AKAP6: variants seen among roughly 807,000 people sequenced by gnomAD.
AKAP6 encodes the protein A-kinase anchoring protein 6.
AKAP6 carries 58 observed loss-of-function variants against 188.5 expected under a neutral mutation model. The ratio of observed to expected loss-of-function variants is 0.31; its 90% CI spans 0.25 to 0.38. The LOEUF (loss-of-function observed/expected upper bound fraction) is 0.38. Among genes scored for constraint, AKAP6 ranks in the 10% least tolerant of loss-of-function variants. The probability of loss-of-function intolerance (pLI) is 1.00; values close to 1 mark genes in which losing one functional copy is unlikely to be tolerated. For missense variants in AKAP6, 2,710 were observed against 2,740.0 expected, an observed-to-expected ratio of 0.99 and a Z score of 0.24; for synonymous variants, 989 against 998.6, an observed-to-expected ratio of 0.99 and a Z score of 0.18.
At position 32,441,132 on chromosome 14, in the gene AKAP6, A is replaced by G. The variant is rs369314644; in HGVS notation, c.324+7315A>G. ...TCCAAACCATGAGAAATAAATTTCT[A>G]GTGTTTATAAATTACCCAGTCTAAG... On this transcript the variant is annotated intron_variant, in intron 2 of 13. Coordinates refer to ENST00000280979, the MANE Select transcript of AKAP6 (RefSeq NM_004274.5). Among the ~76,000 whole-genome samples the G allele has an allele frequency of 6.6e-5, 10 of 152,178 alleles. No homozygotes were observed. The East Asian group carries it at 9.6e-4, about 15-fold the overall frequency.
At chr14:32,722,931 A>G (rs1404961147) in intron 9 of AKAP6, among the ~76,000 whole-genome samples, 4 of 152,166 alleles carry the variant, frequency 2.6e-5, no homozygotes, top group East Asian at 1.9e-4. Flanking sequence ...GGCAAATGCT[A>G]AAAGAACATT....
intron 1 of AKAP6, among the ~76,000 whole-genome samples, chr14:32,382,852 A>G (rs2138557358): frequency 6.6e-6 from 1 of 152,236 alleles, no homozygotes; most frequent in South Asian, 2.1e-4. Context: ...CTGGAATAGG[A>G]GAGATGTGGT....
intron 1 of AKAP6, among the ~76,000 whole-genome samples, chr14:32,399,719 T>C (rs1171059293): frequency 2.0e-5 from 3 of 152,216 alleles, no homozygotes; most frequent in African/African-American, 7.2e-5. Context: ...GATATTTCCC[T>C]TTTGCATCTC....
At chr14:32,808,836 A>T (rs2034153507) in intron 12 of AKAP6, among the ~76,000 whole-genome samples, 1 of 152,182 alleles carries the variant, frequency 6.6e-6, no homozygotes. Context: ...AGTAATATGT[A>T]AATTATCTCA....
chr14:32,522,711 G>C (rs898873678), intron 2 of AKAP6, among the ~76,000 whole-genome samples: 9 of 152,294 alleles, frequency 5.9e-5, no homozygotes, highest in Middle Eastern at 3.4e-3. Context: ...AGAGGATGTG[G>C]AGAAATAGGA....
Position 32,648,734 on chromosome 14 carries a change from G to A in AKAP6, c.2731-29577G>A, listed in dbSNP as rs1888085334. Reference sequence around the variant, plus strand: ...TGTTAGGATGAATGAATCACTAATAGATTAAAGAGCACAGCCAAATAAACT... The same window carrying A: ...TGTTAGGATGAATGAATCACTAATAAATTAAAGAGCACAGCCAAATAAACT... On this transcript the variant is annotated intron_variant, in intron 7 of 13. Coordinates refer to ENST00000280979, the MANE Select transcript of AKAP6 (RefSeq NM_004274.5). Among the ~76,000 whole-genome samples, 4 of 152,232 alleles carry A rather than the reference G, an allele frequency of 2.6e-5. No homozygotes were observed. In the South Asian group the frequency reaches 6.2e-4, roughly 24 times the overall value.
Position 32,735,832 on chromosome 14 carries a change from C to A in AKAP6, c.3322C>A (p.Gln1108Lys). The A allele has an allele frequency of 6.2e-7, 1 of 1,612,234 alleles. No individual in the cohort carries two copies. The highest frequency in any genetic ancestry group is 8.5e-7 in the Non-Finnish European group (1 of 1,179,368). ...ELFIFNSCLRQEKEGTMNTEK... is the reference protein window; with the variant it reads ...ELFIFNSCLRKEKEGTMNTEK... ...TTTCATCTTCAATTCCTGTCTGAGA[C>A]AAGAAAAGGAAGGAACAATGAATAC... Residue 1108 changes from glutamine (Q) to lysine (K), a missense_variant, in exon 11 of 14, where the codon CAA (glutamine) becomes AAA (lysine). Coordinates refer to ENST00000280979, the MANE Select transcript of AKAP6 (RefSeq NM_004274.5).
intron 5 of AKAP6, among the ~76,000 whole-genome samples, chr14:32,594,720 G>A (rs1230819349): frequency 2.0e-5 from 3 of 152,178 alleles, no homozygotes; most frequent in Non-Finnish European, 4.4e-5. Context: ...TCAAGGCTTG[G>A]CTTTTCTGAC....
At chr14:32,657,337 G>T (rs12437429) in intron 7 of AKAP6, among the ~76,000 whole-genome samples, 5 of 152,000 alleles carry the variant, frequency 3.3e-5, no homozygotes, top group Admixed American at 6.6e-5. Flanking sequence ...AGAGAGAAGC[G>T]CAACCCTCGG....
At chr14:32,786,303 T>TTTTG (rs2033409577) in intron 12 of AKAP6, among the ~76,000 whole-genome samples, 1 of 73,764 alleles carries the variant, frequency 1.4e-5, no homozygotes. Context: ...TTTATCTTTT[T>TTTTG]TTTTTTTTTT....
In AKAP6 at chr14:32,834,554, T is replaced by TA. The variant is rs1555367745; in HGVS notation, c.*4752dup. The TA allele has an allele frequency of 1.4e-4, 21 of 146,174 alleles. No individual in the cohort carries two copies. Among genetic ancestry groups the TA allele is most frequent in the Non-Finnish European group, 2.0e-4 (13 of 66,084 alleles). The allele number at this position is 146,174 out of a possible 1,614,324, so 9.1% of individuals were successfully genotyped here. On this transcript the variant is annotated 3_prime_UTR_variant, in exon 14 of 14. Coordinates refer to ENST00000280979, the MANE Select transcript of AKAP6 (RefSeq NM_004274.5). ...AAGTCTTTTTTTTTTTTTTTTTTTT[T>TA]AAATCTTGCATAGTTTCCCTGTGCT...
intron 11 of AKAP6, among the ~76,000 whole-genome samples, chr14:32,749,872 C>G (rs1269200697): frequency 6.6e-6 from 1 of 152,166 alleles, no homozygotes; most frequent in Non-Finnish European, 1.5e-5. Context: ...AACTTGAAGT[C>G]CTTCACAATA....
At chr14:32,710,505 T>C (rs1891002062) in intron 9 of AKAP6, among the ~76,000 whole-genome samples, 1 of 151,828 alleles carries the variant, frequency 6.6e-6, no homozygotes, top group African/African-American at 2.4e-5. Flanking sequence ...CAAGGGAACA[T>C]GAGGTGGAGA....
intron 3 of AKAP6, among the ~76,000 whole-genome samples, chr14:32,538,074 C>T (rs146430459): frequency 2.9e-3 from 436 of 152,234 alleles, no homozygotes; most frequent in African/African-American, 1.0e-2. Context: ...TTCAGTTATC[C>T]GCTTTATGGA....
At chr14:32,503,818 C>G (rs1458924678) in intron 2 of AKAP6, among the ~76,000 whole-genome samples, 2 of 151,820 alleles carry the variant, frequency 1.3e-5, no homozygotes, top group Non-Finnish European at 2.9e-5. Context: ...CTAGGTTGCC[C>G]TTATTGCCCT....
chr14:32,678,385 G>A lies in AKAP6; in HGVS notation c.2805G>A (p.Glu935=), dbSNP rs777772255. ...VEQMSLKLYS[E]QYTSSSKRKE... ...AGATGTCCCTCAAGCTGTACAGCGA[G>A]CAGTATACCAGCAGCAGCAAGCGAA... is the stretch of plus-strand genomic sequence containing the variant. The change falls in exon 8 of 14, where the codon GAG becomes GAA. Residue 935 remains glutamate, a synonymous_variant. Transcript: ENST00000280979. 1 of 1,613,912 alleles carries A rather than the reference G, an allele frequency of 6.2e-7. No homozygotes were observed. Among genetic ancestry groups the A allele is most frequent in the Non-Finnish European group, 8.5e-7 (1 of 1,179,888 alleles).
At chr14:32,540,194 TTTAA>T (rs1882883198) in intron 3 of AKAP6, among the ~76,000 whole-genome samples, 2 of 103,358 alleles carry the variant, frequency 1.9e-5, no homozygotes, top group Non-Finnish European at 1.9e-5. Context: ...ATATATATAT[TTTAA>T]TTTTTTATTT....
Position 32,822,948 on chromosome 14 carries a change from C to G in AKAP6, c.5135C>G (p.Pro1712Arg). The G allele has an allele frequency of 1.2e-6, 2 of 1,613,842 alleles. No homozygotes were observed. The highest frequency in any genetic ancestry group is 1.7e-6 in the Non-Finnish European group (2 of 1,179,910). Residue 1712 changes from proline to arginine, a missense_variant, in exon 13 of 14, where the codon CCG (proline) becomes CGG (arginine). Coordinates refer to ENST00000280979, the MANE Select transcript of AKAP6 (RefSeq NM_004274.5). ...ATTGTGTTACACAAGAACAAGATCC[C>G]GGAATCGAATGCATCGTTCAGGAAG... ...EDIVLHKNKI[P>R]ESNASFRKRL...
chr14:32,551,836 T>G (rs1169633453), intron 4 of AKAP6, among the ~76,000 whole-genome samples: 1 of 98,370 alleles, frequency 1.0e-5, no homozygotes, highest in Non-Finnish European at 1.7e-5. Flanking sequence ...ATTTTTTGTA[T>G]TTTTTTTTTT....
Sources: gnomAD v4.1 joint callset for allele counts (sites outside exome capture counted in the v4.1 genomes callset) on GRCh38, gnomAD v4.1.1 for gene constraint, MANE v1.5 for transcripts, NCBI Gene and HGNC (gene_info 2026-07-23, HGNC 2026-07-21) for gene names.